CUL1: variants seen among roughly 807,000 people sequenced by gnomAD.
CUL1 encodes cullin 1, also known as cullin-1.
CUL1 carries 24 observed loss-of-function variants against 118.0 expected under a neutral mutation model. That is an observed-to-expected ratio of 0.20 (90% CI 0.15 to 0.29). The LOEUF (loss-of-function observed/expected upper bound fraction) is 0.29. CUL1 is among the 10% of genes least tolerant of loss of function. The probability of loss-of-function intolerance (pLI) is 1.00; values close to 1 mark genes in which losing one functional copy is unlikely to be tolerated. For synonymous variants in CUL1, 332 were observed against 340.4 expected (o/e 0.98, Z 0.27); for missense variants, 361 against 933.8 (o/e 0.39, Z 7.99).
intron 20 of CUL1, 71 bp from the exon 21 acceptor site, chr7:148,799,204 T>C: frequency 8.4e-7 from 1 of 1,190,546 alleles, no homozygotes; most frequent in Non-Finnish European, 1.2e-6. Context: ...TCTGTGCAGC[T>C]TGTCCTTAAC....
At chr7:148,711,814 A>C (rs534665143) in intron 1 of CUL1, among the ~76,000 whole-genome samples, 1 of 152,368 alleles carries the variant, frequency 6.6e-6, no homozygotes, top group East Asian at 1.9e-4. Flanking sequence ...ACGGTTCACC[A>C]CACATGAGGG....
intron 16 of CUL1, 146 bp from the exon 17 acceptor site, chr7:148,792,580 C>T: frequency 3.6e-6 from 2 of 552,400 alleles, no homozygotes; most frequent in African/African-American, 1.9e-5. Context: ...TTTATATTCC[C>T]TTTTAAATAG....
chr7:148,768,672 G>A (rs1401623068), intron 9 of CUL1, among the ~76,000 whole-genome samples: 2 of 152,012 alleles, frequency 1.3e-5, no homozygotes, highest in South Asian at 2.1e-4. Flanking sequence ...GGCGTGAGTC[G>A]TCACGTGCGG....
At chr7:148,776,212 G>A (rs1800389341) in intron 9 of CUL1, among the ~76,000 whole-genome samples, 2 of 150,320 alleles carry the variant, frequency 1.3e-5, no homozygotes, top group South Asian at 4.2e-4. Context: ...TAAATGAGAT[G>A]CCTCCTGTCC....
chr7:148,706,937 G>A (rs1308272589), intron 1 of CUL1, among the ~76,000 whole-genome samples: 3 of 152,102 alleles, frequency 2.0e-5, no homozygotes, highest in African/African-American at 4.8e-5. Flanking sequence ...GTGAATAAAC[G>A]TAGGAAATGC....
chr7:148,791,594 C>T (rs753010098), intron 16 of CUL1, among the ~76,000 whole-genome samples: 13 of 152,256 alleles, frequency 8.5e-5, no homozygotes, highest in Non-Finnish European at 1.5e-4. Flanking sequence ...GTTAAGGCAG[C>T]CCGGAGCGGG....
intron 1 of CUL1, among the ~76,000 whole-genome samples, chr7:148,723,765 A>G (rs1478328313): frequency 6.6e-6 from 1 of 151,356 alleles, no homozygotes; most frequent in South Asian, 2.1e-4. Flanking sequence ...AAAGAGCTAG[A>G]AGTCAGTAGG....
At chr7:148,764,847 AT>A (rs1375217542) in intron 7 of CUL1, among the ~76,000 whole-genome samples, 3 of 152,248 alleles carry the variant, frequency 2.0e-5, no homozygotes, top group Non-Finnish European at 4.4e-5. Context: ...ACTGTTGCTG[AT>A]TATATAAACC....
chr7:148,732,547 C>T (rs1798797934), intron 2 of CUL1, among the ~76,000 whole-genome samples: 2 of 151,624 alleles, frequency 1.3e-5, no homozygotes, highest in Admixed American at 1.3e-4. Flanking sequence ...ACCAAGTTAC[C>T]CAGGCTGGTC....
chr7:148,732,881 A>G (rs1357181492), intron 2 of CUL1, among the ~76,000 whole-genome samples: 1 of 152,194 alleles, frequency 6.6e-6, no homozygotes, highest in East Asian at 1.9e-4. Context: ...TAATAGCTCC[A>G]TATATTTACA....
chr7:148,761,907 C>T (rs993871809), intron 7 of CUL1, among the ~76,000 whole-genome samples: 3 of 152,192 alleles, frequency 2.0e-5, no homozygotes, highest in Non-Finnish European at 4.4e-5. Flanking sequence ...ATCAAAGGAG[C>T]GTGCAACATA....
At chr7:148,725,152 C>T (rs1054791495) in intron 1 of CUL1, among the ~76,000 whole-genome samples, 1 of 152,010 alleles carries the variant, frequency 6.6e-6, no homozygotes, top group African/African-American at 2.4e-5. Context: ...ACTTGAGTGA[C>T]GCATCAATAG....
At chr7:148,753,524 T>G (rs921300929) in intron 2 of CUL1, among the ~76,000 whole-genome samples, 1 of 152,258 alleles carries the variant, frequency 6.6e-6, no homozygotes, top group Non-Finnish European at 1.5e-5. Flanking sequence ...CTGAGTCATT[T>G]TAAAATAAAG....
At chr7:148,783,437 A>C (rs1370299962) in intron 9 of CUL1, 1 of 985,488 alleles carries the variant, frequency 1.0e-6, no homozygotes, top group South Asian at 4.7e-5. Context: ...AACAGAGTCC[A>C]GAGTTCCACT....
chr7:148,735,019 G>GT (rs1798892825), intron 2 of CUL1, among the ~76,000 whole-genome samples: 1 of 152,102 alleles, frequency 6.6e-6, no homozygotes. Context: ...TCCTTAGCCT[G>GT]TTTTTTCCAG....
chr7:148,723,725 A>T (rs1286749039), intron 1 of CUL1, among the ~76,000 whole-genome samples: 1 of 151,658 alleles, frequency 6.6e-6, no homozygotes, highest in Non-Finnish European at 1.5e-5. Context: ...AAATGAAAAA[A>T]GTTGCCGAAC....
chr7:148,724,829 A>C (rs1798509828), intron 1 of CUL1, among the ~76,000 whole-genome samples: 1 of 152,100 alleles, frequency 6.6e-6, no homozygotes. Flanking sequence ...CTGATTTCCT[A>C]AGTATATTTT....
chr7:148,736,381 C>T (rs1798943215), intron 2 of CUL1, among the ~76,000 whole-genome samples: 2 of 152,188 alleles, frequency 1.3e-5, no homozygotes, highest in Admixed American at 6.5e-5. Context: ...TCAGTGCAGC[C>T]TCCAACTCCT....
chr7:148,771,588 T>C (rs1216474954), intron 9 of CUL1, among the ~76,000 whole-genome samples: 1 of 152,158 alleles, frequency 6.6e-6, no homozygotes, highest in Non-Finnish European at 1.5e-5. Flanking sequence ...CTCTCCAGCC[T>C]TCAGAGAGCC....
Sources: allele counts gnomAD v4.1 joint callset (sites outside exome capture counted in the v4.1 genomes callset), GRCh38; gene constraint gnomAD v4.1.1; transcripts MANE v1.5; gene names NCBI Gene and HGNC (gene_info 2026-07-23, HGNC 2026-07-21).